The following MCEE variants were observed in gnomAD, a reference collection of about 807,000 sequenced individuals.
The protein encoded by MCEE is methylmalonyl-CoA epimerase.
MCEE carries 6 observed loss-of-function variants against 12.9 expected under a neutral mutation model. That is an observed-to-expected ratio of 0.47 (90% CI 0.26 to 0.92). MCEE has a LOEUF of 0.92. MCEE is among the 40% of genes least tolerant of loss of function. The probability of loss-of-function intolerance (pLI) is 0.16; values close to 1 mark genes in which losing one functional copy is unlikely to be tolerated. For synonymous variants in MCEE, 78 were observed against 77.9 expected (o/e 1.00, Z -0.01); for missense variants, 214 against 212.1 (o/e 1.01, Z -0.05).
chr2:71,122,416 T>C (rs36083356), intron 2 of MCEE, among the ~76,000 whole-genome samples: 27,872 of 152,176 alleles, frequency 0.18, 2,712 homozygotes, highest in African/African-American at 0.22. Flanking sequence ...ATTACAGGTG[T>C]GTATTAGTCC....
intron 2 of MCEE, among the ~76,000 whole-genome samples, chr2:71,110,523 G>C (rs1446663046): frequency 6.6e-6 from 1 of 152,132 alleles, no homozygotes; most frequent in Non-Finnish European, 1.5e-5. Flanking sequence ...ATTAAAATGA[G>C]GTAACAGATA....
chr2:71,115,943 C>A (rs752646073), intron 2 of MCEE, among the ~76,000 whole-genome samples: 1 of 149,318 alleles, frequency 6.7e-6, no homozygotes, highest in Non-Finnish European at 1.5e-5. Context: ...GCACATGTAT[C>A]CCAGAACTTA....
At chr2:71,129,933 G>T in intron 1 of MCEE, 1 of 602,046 alleles carries the variant, frequency 1.7e-6, no homozygotes. Context: ...ATACTGGAAG[G>T]TGCAGAGCCC....
At chr2:71,127,661 C>A (rs1673266020) in intron 1 of MCEE, among the ~76,000 whole-genome samples, 1 of 152,226 alleles carries the variant, frequency 6.6e-6, no homozygotes, top group African/African-American at 2.4e-5. Context: ...GAGTCTGGCT[C>A]TGTAGCCCAG....
At chr2:71,111,317 C>A (rs1163045043) in intron 2 of MCEE, among the ~76,000 whole-genome samples, 1 of 152,150 alleles carries the variant, frequency 6.6e-6, no homozygotes, top group Non-Finnish European at 1.5e-5. Flanking sequence ...CGGCTCGACC[C>A]ACTTAGTGAG....
chr2:71,110,485 T>C (rs1456305912), intron 2 of MCEE, among the ~76,000 whole-genome samples: 1 of 152,180 alleles, frequency 6.6e-6, no homozygotes, highest in Non-Finnish European at 1.5e-5. Flanking sequence ...AACAGGCAAA[T>C]GAGGTCTACC....
intron 1 of MCEE, among the ~76,000 whole-genome samples, chr2:71,126,389 G>A (rs1266247676): frequency 1.3e-5 from 2 of 151,670 alleles, no homozygotes; most frequent in Non-Finnish European, 2.9e-5. Context: ...CACCGCACCC[G>A]GCTAATTTTT....
intron 2 of MCEE, among the ~76,000 whole-genome samples, chr2:71,120,937 G>A (rs140478591): frequency 5.9e-5 from 9 of 151,926 alleles, no homozygotes; most frequent in Non-Finnish European, 1.0e-4. Flanking sequence ...GGGTTTCACC[G>A]TGTTGCCCAG....
intron 1 of MCEE, among the ~76,000 whole-genome samples, chr2:71,125,506 C>G (rs1374985889): frequency 6.7e-6 from 1 of 150,368 alleles, no homozygotes; most frequent in Non-Finnish European, 1.5e-5. Flanking sequence ...TGTGCCCACC[C>G]TAATTTTTGC....
At chr2:71,129,851 A>T (rs1673330247) in intron 1 of MCEE, 1 of 461,716 alleles carries the variant, frequency 2.2e-6, no homozygotes, top group Non-Finnish European at 4.0e-6. Context: ...TAACTTACCG[A>T]TCCGCTTCTA....
At chr2:71,110,421 A>G (rs1435034662) in intron 2 of MCEE, among the ~76,000 whole-genome samples, 1 of 152,212 alleles carries the variant, frequency 6.6e-6, no homozygotes, top group African/African-American at 2.4e-5. Context: ...TGGCAGTACT[A>G]TTAGTGAGAT....
chr2:71,125,211 A>ATATATATATATATATATATATTTTTTTTT, intron 1 of MCEE, among the ~76,000 whole-genome samples: 3 of 48,600 alleles, frequency 6.2e-5, no homozygotes, highest in Admixed American at 3.3e-4. Flanking sequence ...ATATATATAT[A>ATATATATATATATATATATATTTTTTTTT]TTTTTTTTTT....
chr2:71,112,159 CAG>C (rs1180731300), intron 2 of MCEE, among the ~76,000 whole-genome samples: 1 of 152,150 alleles, frequency 6.6e-6, no homozygotes, highest in Non-Finnish European at 1.5e-5. Flanking sequence ...TCTTTTGAGA[CAG>C]AGTCTCACTC....
intron 2 of MCEE, among the ~76,000 whole-genome samples, chr2:71,121,354 G>A (rs1395658342): frequency 6.6e-6 from 1 of 152,142 alleles, no homozygotes; most frequent in Non-Finnish European, 1.5e-5. Context: ...CATGTGTCAT[G>A]GACAGCAGAG....
chr2:71,116,521 T>C (rs1321587902), intron 2 of MCEE, among the ~76,000 whole-genome samples: 1 of 149,396 alleles, frequency 6.7e-6, no homozygotes, highest in East Asian at 1.9e-4. Flanking sequence ...TAAAAAATGT[T>C]TGGATTGTCA....
At chr2:71,123,492 C>CAAAA (rs58746349) in intron 2 of MCEE, among the ~76,000 whole-genome samples, 1 of 104,018 alleles carries the variant, frequency 9.6e-6, no homozygotes, top group Non-Finnish European at 2.2e-5. Flanking sequence ...GACTCCGTCT[C>CAAAA]AAAAAAAAAA....
At chr2:71,121,286 C>T (rs35833222) in intron 2 of MCEE, among the ~76,000 whole-genome samples, 19,352 of 152,224 alleles carry the variant, frequency 0.13, 1,559 homozygotes, top group South Asian at 0.2. Flanking sequence ...TCCCACTCCA[C>T]CTTCCCTTCC....
intron 1 of MCEE, among the ~76,000 whole-genome samples, chr2:71,128,963 C>T (rs1057310275): frequency 4.5e-4 from 66 of 145,378 alleles, no homozygotes; most frequent in African/African-American, 1.6e-3. Flanking sequence ...CCAGCCTGGG[C>T]GACAGAGTGA....
chr2:71,115,910 T>C (rs1351759932), intron 2 of MCEE, among the ~76,000 whole-genome samples: 3 of 149,444 alleles, frequency 2.0e-5, no homozygotes, highest in Non-Finnish European at 2.9e-5. Flanking sequence ...ATGTGTACCT[T>C]ATGTAACAAA....
Sources: allele counts gnomAD v4.1 joint callset (sites outside exome capture counted in the v4.1 genomes callset), GRCh38; gene constraint gnomAD v4.1.1; transcripts MANE v1.5; gene names NCBI Gene and HGNC (gene_info 2026-07-23, HGNC 2026-07-21).